USP37: variants seen among roughly 807,000 people sequenced by gnomAD.
The protein encoded by USP37 is ubiquitin specific peptidase 37.
A neutral mutation model predicts 124.0 loss-of-function variants in USP37; 27 were observed. The ratio of observed to expected loss-of-function variants is 0.22; its 90% CI spans 0.16 to 0.30. The LOEUF is 0.30. USP37 is among the 10% of genes least tolerant of loss of function. USP37 has a pLI of 1.00. For synonymous variants in USP37, 365 were observed against 388.0 expected, an observed-to-expected ratio of 0.94 and a Z score of 0.70; for missense variants, 889 against 1,140.4, an observed-to-expected ratio of 0.78 and a Z score of 3.17.
At chr2:218,546,428 T>C in intron 7 of USP37, 130 bp from the exon 8 acceptor site, 1 of 648,266 alleles carries the variant, frequency 1.5e-6, no homozygotes, top group Non-Finnish European at 2.6e-6. Flanking sequence ...ATTTAATTAT[T>C]ATTATTTTCC....
At position 218,452,212 on chromosome 2, in the gene USP37, C is replaced by T. The variant is rs1290822444; in HGVS notation, c.*2718G>A. ...TTCAATGTCATTTAAAGTAATGTAA[C>T]CACACATTTGGTATTTTCAATAGGA... On this transcript the variant is annotated 3_prime_UTR_variant, in exon 26 of 26. Transcript: ENST00000258399. 1 of 152,036 alleles carries T rather than the reference C, an allele frequency of 6.6e-6. No individual in the cohort carries two copies. Among genetic ancestry groups the T allele is most frequent in the Non-Finnish European group, 1.5e-5 (1 of 68,020 alleles). 9.4% of individuals were successfully genotyped at this position (152,036 alleles called of 1,614,324 possible).
chr2:218,499,433 A>C (rs1689250304), intron 11 of USP37, among the ~76,000 whole-genome samples: 1 of 152,188 alleles, frequency 6.6e-6, no homozygotes, highest in Admixed American at 6.5e-5. Flanking sequence ...ATTTTTCTGA[A>C]ACCATTTCAG....
chr2:218,464,426 C>CA (rs1690200346), intron 21 of USP37, among the ~76,000 whole-genome samples: 1 of 151,868 alleles, frequency 6.6e-6, no homozygotes, highest in South Asian at 2.1e-4. Flanking sequence ...TTAGCAGAGA[C>CA]AGAGTGTCAC....
intron 11 of USP37, chr2:218,501,080 C>T (rs1689355768): frequency 6.6e-6 from 1 of 151,286 alleles, no homozygotes; most frequent in Non-Finnish European, 1.5e-5. Context: ...ATTCTGTTGC[C>T]CAGGCTGGAG....
At chr2:218,506,376 C>T (rs11899458) in intron 11 of USP37, among the ~76,000 whole-genome samples, 5,813 of 146,760 alleles carry the variant, frequency 0.04, 377 homozygotes, top group African/African-American at 0.14. Context: ...CTGCAACCTC[C>T]GCCTCCTGGG....
At position 218,474,366 on chromosome 2, in the gene USP37, A is replaced by G. The variant is rs550636199; in HGVS notation, c.2299+264T>C. Among the ~76,000 whole-genome samples the G allele has an allele frequency of 5.3e-5, 8 of 151,990 alleles. No individual in the cohort carries two copies. The East Asian group carries it at 1.5e-3, about 29-fold the overall frequency. ...ATACAGATCCACTTCACCTCCCTTT[A>G]TTTGTTTTTATCTGAGAAGGAGTCT... On this transcript the variant is annotated intron_variant, in intron 20 of 25. Transcript: ENST00000258399.
chr2:218,458,039 C>CA (rs34696201), intron 23 of USP37, among the ~76,000 whole-genome samples: 1,314 of 90,106 alleles, frequency 0.015, 19 homozygotes, highest in African/African-American at 0.05. Flanking sequence ...GACTCTGTCT[C>CA]AAAAAAAAAA....
intron 21 of USP37, among the ~76,000 whole-genome samples, chr2:218,463,907 G>A (rs1279855937): frequency 6.7e-6 from 1 of 148,526 alleles, no homozygotes; most frequent in Non-Finnish European, 1.5e-5. Flanking sequence ...GCAGGCTGGA[G>A]GGCAGTGGCA....
intron 10 of USP37, among the ~76,000 whole-genome samples, chr2:218,522,506 T>C (rs1574920274): frequency 7.2e-6 from 1 of 139,460 alleles, no homozygotes; most frequent in Non-Finnish European, 1.5e-5. Context: ...GAGTCTGCAG[T>C]GAGCTAGGAT....
At chr2:218,481,189 A>G (rs774770588) in intron 17 of USP37, among the ~76,000 whole-genome samples, 1 of 152,228 alleles carries the variant, frequency 6.6e-6, no homozygotes, top group African/African-American at 2.4e-5. Flanking sequence ...TTTTCCCAGC[A>G]TACATGATGA....
At chr2:218,567,426 T>C (rs1693679557) in intron 1 of USP37, among the ~76,000 whole-genome samples, 2 of 152,192 alleles carry the variant, frequency 1.3e-5, no homozygotes, top group Non-Finnish European at 2.9e-5. Context: ...ATATGGCAGA[T>C]GACAAACACA....
At chr2:218,467,158 G>T (rs956609202) in intron 20 of USP37, among the ~76,000 whole-genome samples, 1 of 151,618 alleles carries the variant, frequency 6.6e-6, no homozygotes. Flanking sequence ...ATTCAGGAAG[G>T]TAAGAAATCC....
At chr2:218,525,380 G>C (rs777625119) in intron 10 of USP37, among the ~76,000 whole-genome samples, 1 of 152,166 alleles carries the variant, frequency 6.6e-6, no homozygotes, top group African/African-American at 2.4e-5. Context: ...CTACTGGGGG[G>C]GTTGTGGGTG....
At chr2:218,545,477 T>C (rs2106042785) in intron 8 of USP37, among the ~76,000 whole-genome samples, 1 of 152,320 alleles carries the variant, frequency 6.6e-6, no homozygotes, top group African/African-American at 2.4e-5. Flanking sequence ...TAGTTTCAGA[T>C]ACCAGTCCTA....
At chr2:218,475,659 G>A (rs1214260905) in intron 19 of USP37, among the ~76,000 whole-genome samples, 1 of 152,204 alleles carries the variant, frequency 6.6e-6, no homozygotes, top group African/African-American at 2.4e-5. Context: ...GAACCTGGGA[G>A]GTGGAGGATG....
chr2:218,511,104 AGTT>A (rs1258208311), intron 10 of USP37, among the ~76,000 whole-genome samples: 2 of 152,032 alleles, frequency 1.3e-5, no homozygotes, highest in African/African-American at 2.4e-5. Context: ...ATATTCATAT[AGTT>A]GTTTACTCTT....
At chr2:218,517,960 C>G (rs1340864788) in intron 10 of USP37, among the ~76,000 whole-genome samples, 1 of 151,970 alleles carries the variant, frequency 6.6e-6, no homozygotes, top group Non-Finnish European at 1.5e-5. Context: ...CTATTCCCCC[C>G]ACCCCTTTTT....
At chr2:218,489,156 G>C (rs921598108) in intron 14 of USP37, among the ~76,000 whole-genome samples, 4 of 150,384 alleles carry the variant, frequency 2.7e-5, no homozygotes, top group Admixed American at 6.6e-5. Context: ...TCAGGAGTTC[G>C]AGACCAGCCT....
intron 8 of USP37, among the ~76,000 whole-genome samples, chr2:218,544,428 T>TAGAG (rs1241793062): frequency 0.068 from 3,416 of 49,908 alleles, 85 homozygotes; most frequent in Non-Finnish European, 0.083. Flanking sequence ...TATATATATA[T>TAGAG]ATAGAGAGAG....
Sources: gnomAD v4.1 joint callset for allele counts (sites outside exome capture counted in the v4.1 genomes callset) on GRCh38, gnomAD v4.1.1 for gene constraint, MANE v1.5 for transcripts, NCBI Gene and HGNC (gene_info 2026-07-23, HGNC 2026-07-21) for gene names.